The following THAP1 variants were observed in gnomAD, a reference collection of about 807,000 sequenced individuals.
THAP1 encodes THAP domain-containing protein 1.
Under a neutral mutation model 18.2 loss-of-function variants are expected in THAP1, and 6 were observed. That is an observed-to-expected ratio of 0.33 (90% confidence interval 0.18 to 0.65). THAP1 has a LOEUF of 0.65. Ranked by LOEUF, THAP1 falls within the 30% of genes least tolerant of loss-of-function variation. THAP1 has a pLI of 0.74. For synonymous variants in THAP1, 85 were observed against 90.5 expected, an observed-to-expected ratio of 0.94 and a Z score of 0.34; for missense variants, 176 against 253.0, an observed-to-expected ratio of 0.70 and a Z score of 2.06.
At chr8:42,841,905 G>C (rs1802725415) in intron 1 of THAP1, among the ~76,000 whole-genome samples, 2 of 152,034 alleles carry the variant, frequency 1.3e-5, no homozygotes, top group Admixed American at 6.6e-5. Context: ...TATTTCTATA[G>C]GGTCCATCTC....
At chr8:42,839,044 T>C in intron 2 of THAP1, 142 bp downstream of exon 2, 1 of 866,412 alleles carries the variant, frequency 1.2e-6, no homozygotes, top group Non-Finnish European at 1.8e-6. Flanking sequence ...GCATTTTGTG[T>C]TTTCAGAAGT....
At chr8:42,840,265 T>C (rs1178214556) in intron 1 of THAP1, among the ~76,000 whole-genome samples, 2 of 152,198 alleles carry the variant, frequency 1.3e-5, no homozygotes, top group Non-Finnish European at 2.9e-5. Context: ...GAGACAAAGA[T>C]TGCACATTTG....
chr8:42,842,878 G>C, intron 1 of THAP1, 146 bp downstream of exon 1: 1 of 546,204 alleles, frequency 1.8e-6, no homozygotes, highest in Non-Finnish European at 2.5e-6. Flanking sequence ...TTCCCAGCGG[G>C]ACGCGGTGGG....
Position 42,843,313 on chromosome 8 carries a change from C to T in THAP1, c.-219G>A. On this transcript the variant is annotated 5_prime_UTR_variant, in exon 1 of 3. Coordinates refer to ENST00000254250, the MANE Select transcript of THAP1 (RefSeq NM_018105.3). ...CGCCCGTCTCCCATCTCCAAGATGGCGGAGGCAGCTTCAACCTCACCTCTC... is the reference window on the plus strand; with the variant it reads ...CGCCCGTCTCCCATCTCCAAGATGGTGGAGGCAGCTTCAACCTCACCTCTC... 4.9e-6 allele frequency: 3 copies of T among 612,692 alleles called. No homozygotes were observed. The highest frequency in any genetic ancestry group is 3.0e-5 in the East Asian group (1 of 33,528). 38.0% of individuals were successfully genotyped at this position (612,692 alleles called of 1,614,324 possible).
Position 42,837,312 on chromosome 8 carries a change from TAGG to T in THAP1, c.*647_*649del, listed in dbSNP as rs1802631517. ...TAATGCAAGACAGTAGGGGAAAAAA[TAGG>T]AGCCCATGTAAAAAAAAAAAATCCA... On this transcript the variant is annotated 3_prime_UTR_variant, in exon 3 of 3. Transcript: ENST00000254250. 1 of 151,654 alleles carries T rather than the reference TAGG, an allele frequency of 6.6e-6. No homozygotes were observed. Among genetic ancestry groups the T allele is most frequent in the Admixed American group, 6.6e-5 (1 of 15,186 alleles). The allele number at this position is 151,654 out of a possible 1,614,324, so 9.4% of individuals were successfully genotyped here.
chr8:42,837,596 T>C lies in THAP1; in HGVS notation c.*366A>G, dbSNP rs1455313997. 1 of 160,184 alleles carries C rather than the reference T, an allele frequency of 6.2e-6. No individual in the cohort carries two copies. The highest frequency in any genetic ancestry group is 1.4e-5 in the Non-Finnish European group (1 of 73,772). 9.9% of individuals were successfully genotyped at this position (160,184 alleles called of 1,614,324 possible). A position where few individuals can be genotyped will look rare whatever the true frequency, so the allele number is the denominator to read the frequency against. On this transcript the variant is annotated 3_prime_UTR_variant, in exon 3 of 3. Coordinates refer to ENST00000254250, the MANE Select transcript of THAP1 (RefSeq NM_018105.3). The stretch of plus-strand genomic sequence containing the variant: ...AATTCTCTCAATAAAACAGTACTAA[T>C]TTTAAGTTTTAAACTGAAATCACCC...
In THAP1 at chr8:42,837,949, ACATTT is replaced by A. The variant is rs1802646074; in HGVS notation, c.*8_*12del. ...GTATTGCCCCATTAGAAATCAATAC[ACATTT>A]CATTTTTTTATGCTGGTACTTCAAC... On this transcript the variant is annotated 3_prime_UTR_variant, in exon 3 of 3. Coordinates refer to ENST00000254250, the MANE Select transcript of THAP1 (RefSeq NM_018105.3). 6.2e-7 allele frequency: 1 copy of A among 1,611,036 alleles called. No homozygotes were observed. Among genetic ancestry groups the A allele is most frequent in the African/African-American group, 1.3e-5 (1 of 74,938 alleles).
chr8:42,838,319 CT>C lies in THAP1; in HGVS notation c.284del (p.Glu95GlyfsTer25). 1 of 1,613,906 alleles carries C rather than the reference CT, an allele frequency of 6.2e-7. No homozygotes were observed. Among genetic ancestry groups the C allele is most frequent in the Non-Finnish European group, 8.5e-7 (1 of 1,179,892 alleles). ...GAGGTGGGGGAAGCTGTTCCTGTGG[CT>C]CCAGAAGATCTTCTTTCTAAAACAA... ...EPHDKKEDLL[E>X]PQEQLPPPPL... On this transcript the variant is annotated frameshift_variant, in exon 3 of 3. Coordinates refer to ENST00000254250, the MANE Select transcript of THAP1 (RefSeq NM_018105.3). LOFTEE classifies it high-confidence loss of function.
At position 42,839,532 on chromosome 8, in the gene THAP1, A is replaced by G. The variant is rs183552863; in HGVS notation, c.72-151T>C. The G allele has an allele frequency of 2.8e-4, 230 of 831,722 alleles. 1 individual carries two copies. The East Asian group carries it at 6.2e-3, about 22-fold the overall frequency. 51.5% of individuals were successfully genotyped at this position (831,722 alleles called of 1,614,324 possible). On this transcript the variant is annotated intron_variant, in intron 1 of 2. Transcript: ENST00000254250. ...GATTAAAGATTAGCTCTAGTTATCT[A>G]TTTATCTCATTTATTAATTTTTTAA...
intron 1 of THAP1, among the ~76,000 whole-genome samples, chr8:42,840,508 G>A (rs1563645224): frequency 6.6e-6 from 1 of 152,198 alleles, no homozygotes; most frequent in Non-Finnish European, 1.5e-5. Context: ...AAAGAAAAAG[G>A]GAAGGGAATT....
chr8:42,843,138 A>T lies in THAP1; in HGVS notation c.-44T>A, dbSNP rs373836581. The T allele has an allele frequency of 3.1e-6, 5 of 1,610,976 alleles. No individual in the cohort carries two copies. Among genetic ancestry groups the T allele is most frequent in the African/African-American group, 1.3e-5 (1 of 74,874 alleles). On this transcript the variant is annotated 5_prime_UTR_variant, in exon 1 of 3. Coordinates refer to ENST00000254250, the MANE Select transcript of THAP1 (RefSeq NM_018105.3). ...CTTCACTTCTGCCGCCGCAGAAGGC[A>T]GGGGAAGCTGTTCTCAGTGTCGCTG... is the stretch of plus-strand genomic sequence containing the variant.
At chr8:42,839,451 G>T (rs1260903983) in intron 1 of THAP1, 70 bp from the exon 2 acceptor site, 2 of 1,502,766 alleles carry the variant, frequency 1.3e-6, no homozygotes, top group African/African-American at 2.8e-5. Flanking sequence ...AAACTTTCCA[G>T]CTTAGGAAAT....
intron 1 of THAP1, among the ~76,000 whole-genome samples, chr8:42,840,280 T>C (rs184302304): frequency 3.3e-5 from 5 of 152,314 alleles, no homozygotes; most frequent in Non-Finnish European, 7.3e-5. Flanking sequence ...CATTTGTATC[T>C]GCGTACTGGG....
chr8:42,838,019 T>C lies in THAP1; in HGVS notation c.585A>G (p.Glu195=), dbSNP rs1802647218. 1 of 1,613,772 alleles carries C rather than the reference T, an allele frequency of 6.2e-7. No individual in the cohort carries two copies. ...HFQKEKDDVS[E]RGYVILPNDY... is the part of the protein sequence containing the mutation. ...CATTTGGTAGAATCACATAACCTCT[T>C]TCTGATACGTCGTCTTTCTCTTTCT... Residue 195 remains glutamate (E), a synonymous_variant, in exon 3 of 3, where the codon GAA becomes GAG. Transcript: ENST00000254250.
At position 42,837,086 on chromosome 8, in the gene THAP1, A is replaced by G. The variant is rs1802627099; in HGVS notation, c.*876T>C. On this transcript the variant is annotated 3_prime_UTR_variant, in exon 3 of 3. Coordinates refer to ENST00000254250, the MANE Select transcript of THAP1 (RefSeq NM_018105.3). ...TATCATATGATACAAATCAAACTCT[A>G]CTAACACAGCACATTTGTCAGAGAC... The G allele has an allele frequency of 6.6e-6, 1 of 152,248 alleles. No homozygotes were observed. Among genetic ancestry groups the G allele is most frequent in the Non-Finnish European group, 1.5e-5 (1 of 68,048 alleles). The allele number at this position is 152,248 out of a possible 1,614,324, so 9.4% of individuals were successfully genotyped here.
rs561379422 is a variant in THAP1 at position 42,837,690 on chromosome 8, A to T, written c.*272T>A. The stretch of plus-strand genomic sequence containing the variant: ...TTATTTCTATAAATACTAAAAAAAA[A>T]CCCCAAAATCCCCAATCTTGAAACC... On this transcript the variant is annotated 3_prime_UTR_variant, in exon 3 of 3. Transcript: ENST00000254250. The T allele has an allele frequency of 8.9e-5, 20 of 225,686 alleles. No homozygotes were observed. The Admixed American group carries it at 1.1e-3, about 13-fold the overall frequency. 14.0% of individuals were successfully genotyped at this position (225,686 alleles called of 1,614,324 possible).
chr8:42,841,468 T>C (rs537752803), intron 1 of THAP1, among the ~76,000 whole-genome samples: 93 of 152,224 alleles, frequency 6.1e-4, no homozygotes, highest in Admixed American at 1.6e-3. Flanking sequence ...TTTGTATTTT[T>C]AGTAGAGACG....
intron 1 of THAP1, among the ~76,000 whole-genome samples, chr8:42,840,965 CAAA>C (rs1029278824): frequency 2.1e-5 from 1 of 47,056 alleles, no homozygotes; most frequent in African/African-American, 7.5e-5. Flanking sequence ...GACTCCATCT[CAAA>C]AAAAAAAAAA....
At chr8:42,839,518 A>G in intron 1 of THAP1, 137 bp from the exon 2 acceptor site, 1 of 902,066 alleles carries the variant, frequency 1.1e-6, no homozygotes, top group Non-Finnish European at 1.7e-6. Context: ...ATTAAAGATT[A>G]GCTCTAGTTA....
Sources: gnomAD v4.1 joint callset for allele counts (sites outside exome capture counted in the v4.1 genomes callset) on GRCh38, gnomAD v4.1.1 for gene constraint, MANE v1.5 for transcripts, NCBI Gene and HGNC (gene_info 2026-07-23, HGNC 2026-07-21) for gene names.